GOLGA1: variants seen among roughly 807,000 people sequenced by gnomAD.
The protein encoded by GOLGA1 is golgin subfamily A member 1.
A neutral mutation model predicts 119.7 loss-of-function variants in GOLGA1; 63 were observed. The observed-to-expected ratio is 0.53, with a 90% confidence interval of 0.43 to 0.65. The LOEUF (loss-of-function observed/expected upper bound fraction) is 0.65, where lower values mean the gene tolerates loss of function less well. Ranked by LOEUF, GOLGA1 falls within the 30% of genes least tolerant of loss-of-function variation. GOLGA1 has a pLI of 0.00. For synonymous variants in GOLGA1, 318 were observed against 333.4 expected, an observed-to-expected ratio of 0.95 and a Z score of 0.50; for missense variants, 798 against 912.8, an observed-to-expected ratio of 0.87 and a Z score of 1.62.
rs752876800 is a variant in GOLGA1 at position 124,921,215 on chromosome 9, C to G, written c.757G>C (p.Gly253Arg). Reference protein sequence around the residue: ...QRDHVIASKTGAESKITALEQ... With the variant: ...QRDHVIASKTRAESKITALEQ... ...AGGGCTGTGATCTTACTTTCTGCAC[C>G]TGTTTTTGAAGCTATCACATGATCT... Residue 253 changes from glycine to arginine, a missense_variant, in exon 10 of 23, where the codon GGT becomes CGT. Gly to Arg is a moderately radical substitution (Grantham distance 125, BLOSUM62 -2). Transcript: ENST00000373555. 1.2e-6 allele frequency: 2 copies of G among 1,611,484 alleles called. No individual in the cohort carries two copies. The highest frequency in any genetic ancestry group is 4.5e-5 in the East Asian group (2 of 44,878).
In GOLGA1 at chr9:124,926,723, C is replaced by A; in HGVS notation, c.418G>T (p.Asp140Tyr). ...GATGAACTAACCTTTTCAAGCTGAT[C>A]CATCTTTTCTGACCATTCCTAAAAC... Reference protein sequence around the residue: ...RKDQEWSEKMDQLEKEKNILT... With the variant: ...RKDQEWSEKMYQLEKEKNILT... The change falls in exon 7 of 23, where the codon GAT becomes TAT. Residue 140 changes from aspartate to tyrosine, a missense_variant. Coordinates refer to ENST00000373555, the MANE Select transcript of GOLGA1 (RefSeq NM_002077.4). 6.3e-7 allele frequency: 1 copy of A among 1,584,564 alleles called. No homozygotes were observed. The highest frequency in any genetic ancestry group is 8.7e-7 in the Non-Finnish European group (1 of 1,154,092).
Position 124,882,734 on chromosome 9 carries a change from C to T in GOLGA1, c.1906-165G>A, listed in dbSNP as rs185192962. Among the ~76,000 whole-genome samples the T allele has an allele frequency of 4.5e-3, 679 of 152,308 alleles. 5 individuals carry two copies. The highest frequency in any genetic ancestry group is 6.8e-3 in the Middle Eastern group (2 of 294). ...CTCAGCTGTCGCATGCTTGTGCCTA[C>T]GACTGTTGGGCTGTCATCCCTCTTG... is the stretch of plus-strand genomic sequence containing the variant. On this transcript the variant is annotated intron_variant, in intron 19 of 22. Transcript: ENST00000373555.
In GOLGA1 at chr9:124,921,259, G is replaced by C. The variant is rs1427549629; in HGVS notation, c.732-19C>G. On this transcript the variant is annotated intron_variant, in intron 9 of 22. Coordinates refer to ENST00000373555, the MANE Select transcript of GOLGA1 (RefSeq NM_002077.4). ...ATGATCTCTTCATCAAAAGAAAGCA[G>C]ACAATGAACAAATTTGGATATCTCA... 1 of 1,430,642 alleles carries C rather than the reference G, an allele frequency of 7.0e-7. No homozygotes were observed. The highest frequency in any genetic ancestry group is 1.4e-5 in the African/African-American group (1 of 71,288). 88.6% of individuals were successfully genotyped at this position (1,430,642 alleles called of 1,614,324 possible).
chr9:124,938,082 C>CA (rs200357362), intron 3 of GOLGA1, among the ~76,000 whole-genome samples: 2,997 of 65,688 alleles, frequency 0.046, 50 homozygotes, highest in Non-Finnish European at 0.067. Context: ...GAATCCATCT[C>CA]AAAAAAAAAA....
intron 12 of GOLGA1, among the ~76,000 whole-genome samples, chr9:124,904,927 G>C (rs10124276): frequency 0.37 from 53,150 of 143,942 alleles, 9,671 homozygotes; most frequent in Admixed American, 0.43. Flanking sequence ...CCAGGCTACA[G>C]AGCCAGACTC....
intron 12 of GOLGA1, among the ~76,000 whole-genome samples, chr9:124,907,537 A>C (rs1308342810): frequency 6.6e-6 from 1 of 152,226 alleles, no homozygotes; most frequent in Non-Finnish European, 1.5e-5. Context: ...AGTTAACAGA[A>C]TGACTCAGGA....
chr9:124,886,727 T>C (rs1829729022), intron 19 of GOLGA1, among the ~76,000 whole-genome samples: 1 of 151,840 alleles, frequency 6.6e-6, no homozygotes, highest in Admixed American at 6.6e-5. Flanking sequence ...GGCGTAGTGC[T>C]TGGGGAGGTG....
At chr9:124,941,149 T>G (rs1588104634), upstream of GOLGA1, 1 of 152,346 alleles carries the variant, frequency 6.6e-6, no homozygotes, top group East Asian at 1.9e-4. Context: ...GACGCGCGCA[T>G]GCGCCCGTGC....
upstream of GOLGA1, among the ~76,000 whole-genome samples, chr9:124,941,946 G>A (rs1831042226): frequency 6.6e-6 from 1 of 152,002 alleles, no homozygotes; most frequent in African/African-American, 2.4e-5. Flanking sequence ...CAGGCAGTAG[G>A]AAAATAAACA....
chr9:124,884,149 T>A (rs1455183564), intron 19 of GOLGA1, among the ~76,000 whole-genome samples: 2 of 151,072 alleles, frequency 1.3e-5, no homozygotes, highest in Non-Finnish European at 3.0e-5. Flanking sequence ...GTAGCTGGGA[T>A]TACAGGTGTG....
At chr9:124,912,868 G>A (rs949522734) in intron 10 of GOLGA1, among the ~76,000 whole-genome samples, 2 of 152,184 alleles carry the variant, frequency 1.3e-5, no homozygotes, top group Non-Finnish European at 2.9e-5. Flanking sequence ...TATGATGGTA[G>A]TGGTGGTAGC....
rs1677668778 is a variant in GOLGA1 at position 124,881,991 on chromosome 9, T to C, written c.1966-37A>G. ...GTGGGAAAGATGCTACACCGAACCC[T>C]CTGAGACAGGTGGAAAAAATCACAC... On this transcript the variant is annotated intron_variant, in intron 20 of 22. Coordinates refer to ENST00000373555, the MANE Select transcript of GOLGA1 (RefSeq NM_002077.4). The surrounding 1 kb of genome is among the most constrained non-coding windows in gnomAD (Gnocchi z 4.9). The C allele has an allele frequency of 2.7e-6, 4 of 1,483,114 alleles. No homozygotes were observed. Among genetic ancestry groups the C allele is most frequent in the Non-Finnish European group, 3.7e-6 (4 of 1,090,630 alleles). The allele number at this position is 1,483,114 out of a possible 1,614,324, so 91.9% of individuals were successfully genotyped here. A position where few individuals can be genotyped will look rare whatever the true frequency, so the allele number is the denominator to read the frequency against.
intron 4 of GOLGA1, among the ~76,000 whole-genome samples, chr9:124,930,227 A>T (rs989634688): frequency 3.9e-5 from 6 of 152,130 alleles, no homozygotes; most frequent in Non-Finnish European, 8.8e-5. Context: ...CCATATGGGG[A>T]AGGTATATAT....
At chr9:124,916,877 CA>C (rs71494043) in intron 10 of GOLGA1, among the ~76,000 whole-genome samples, 490 of 41,180 alleles carry the variant, frequency 0.012, no homozygotes, top group African/African-American at 0.048. Flanking sequence ...CCCTGACACA[CA>C]AAAAAAAAAA....
intron 7 of GOLGA1, among the ~76,000 whole-genome samples, chr9:124,925,983 A>G (rs1384093046): frequency 2.0e-5 from 3 of 152,118 alleles, no homozygotes; most frequent in Non-Finnish European, 2.9e-5. Context: ...AGGTTCTCAT[A>G]TATGTTCAAT....
At chr9:124,924,923 TA>T (rs1048924458) in intron 7 of GOLGA1, among the ~76,000 whole-genome samples, 3 of 150,612 alleles carry the variant, frequency 2.0e-5, no homozygotes, top group Non-Finnish European at 4.4e-5. Context: ...ACTAAAAATA[TA>T]AAAAAATTAG....
chr9:124,888,114 G>C lies in GOLGA1; in HGVS notation c.1905+139C>G. 1.3e-6 allele frequency: 1 copy of C among 747,440 alleles called. No individual in the cohort carries two copies. The highest frequency in any genetic ancestry group is 2.3e-6 in the Non-Finnish European group (1 of 425,830). The allele number at this position is 747,440 out of a possible 1,614,324, so 46.3% of individuals were successfully genotyped here. A position where few individuals can be genotyped will look rare whatever the true frequency, so the allele number is the denominator to read the frequency against. On this transcript the variant is annotated intron_variant, in intron 19 of 22. Coordinates refer to ENST00000373555, the MANE Select transcript of GOLGA1 (RefSeq NM_002077.4). This position sits in a 1 kb window ranked among gnomAD's most constrained non-coding sequence, Gnocchi z 4.4. Reference sequence around the variant, plus strand: ...GGAGGAACGGAAGATCAGGAGGAAGGCCTTTGGGTGAGAGGGGTCATGGTT... The same window carrying C: ...GGAGGAACGGAAGATCAGGAGGAAGCCCTTTGGGTGAGAGGGGTCATGGTT...
chr9:124,943,451 G>A (rs372151916), upstream of GOLGA1: 17 of 152,266 alleles, frequency 1.1e-4, no homozygotes, highest in African/African-American at 3.9e-4. Context: ...TTATTTGCAC[G>A]ACAGATTAGC....
At position 124,881,921 on chromosome 9, in the gene GOLGA1, G is replaced by A. The variant is rs1564318287; in HGVS notation, c.1999C>T (p.Arg667Trp). ...IRPDNELFEV[R>W]EKPGPEMANM... ...GCCATCTCAGGTCCAGGTTTCTCCCGGACTTCGAAGAGCTCATTATCGGGT... is the reference window on the plus strand; with the variant it reads ...GCCATCTCAGGTCCAGGTTTCTCCCAGACTTCGAAGAGCTCATTATCGGGT... The change falls in exon 21 of 23, where the codon CGG becomes TGG. Residue 667 changes from arginine to tryptophan, a missense_variant. Coordinates refer to ENST00000373555, the MANE Select transcript of GOLGA1 (RefSeq NM_002077.4). The surrounding 1 kb of genome is among the most constrained non-coding windows in gnomAD (Gnocchi z 4.9). The A allele has an allele frequency of 5.0e-6, 8 of 1,610,608 alleles. No individual in the cohort carries two copies. Among genetic ancestry groups the A allele is most frequent in the South Asian group, 1.1e-5 (1 of 90,662 alleles).
Sources: gnomAD v4.1 joint callset for allele counts (sites outside exome capture counted in the v4.1 genomes callset) on GRCh38, gnomAD v4.1.1 for gene constraint, Gnocchi (gnomAD v3.1) non-coding constraint, MANE v1.5 for transcripts, NCBI Gene and HGNC (gene_info 2026-07-23, HGNC 2026-07-21) for gene names.